ASAP1: variants seen among roughly 807,000 people sequenced by gnomAD.
ASAP1 encodes arf-GAP with SH3 domain, ANK repeat and PH domain-containing protein 1.
Under a neutral mutation model 145.2 loss-of-function variants are expected in ASAP1, and 43 were observed. The observed-to-expected ratio is 0.30, with a 90% CI of 0.23 to 0.38. ASAP1 has a LOEUF of 0.38. Among genes scored for constraint, ASAP1 ranks in the 10% least tolerant of loss-of-function variants. ASAP1 has a pLI of 1.00. For missense variants in ASAP1, 1,018 were observed against 1,355.3 expected, an observed-to-expected ratio of 0.75 and a Z score of 3.91; for synonymous variants, 546 against 515.5, an observed-to-expected ratio of 1.06 and a Z score of -0.80.
chr8:130,180,692 G>A, intron 8 of ASAP1, 59 bp downstream of exon 8: 2 of 1,561,920 alleles, frequency 1.3e-6, no homozygotes, highest in Admixed American at 3.9e-5. Context: ...CTGCTGACTA[G>A]CAGGAAAAGA....
chr8:130,053,771 A>G lies in ASAP1; in HGVS notation c.*960T>C, dbSNP rs1220160465. 1 of 152,250 alleles carries G rather than the reference A, an allele frequency of 6.6e-6. No individual in the cohort carries two copies. The highest frequency in any genetic ancestry group is 1.5e-5 in the Non-Finnish European group (1 of 68,036). 9.4% of individuals were successfully genotyped at this position (152,250 alleles called of 1,614,324 possible). On this transcript the variant is annotated 3_prime_UTR_variant, in exon 30 of 30. Coordinates refer to ENST00000518721, the MANE Select transcript of ASAP1 (RefSeq NM_018482.4). ...CTGAGAGATGTGCATTCATAACACAATATGTCAATCCATACTCTTGAGAAA... is the reference window on the plus strand; with the variant it reads ...CTGAGAGATGTGCATTCATAACACAGTATGTCAATCCATACTCTTGAGAAA...
At chr8:130,282,273 CTACT>C (rs1821299977) in intron 3 of ASAP1, among the ~76,000 whole-genome samples, 1 of 152,064 alleles carries the variant, frequency 6.6e-6, no homozygotes, top group South Asian at 2.1e-4. Context: ...CACTATTTCC[CTACT>C]TATTTTGCCA....
chr8:130,056,423 G>A (rs1212894702), intron 29 of ASAP1, among the ~76,000 whole-genome samples: 8 of 152,164 alleles, frequency 5.3e-5, no homozygotes, highest in African/African-American at 1.9e-4. Context: ...CTTGCTTGTG[G>A]GGGCTCCCTG....
intron 1 of ASAP1, among the ~76,000 whole-genome samples, chr8:130,416,839 T>C (rs1829496047): frequency 6.6e-6 from 1 of 152,214 alleles, no homozygotes; most frequent in Admixed American, 6.5e-5. Context: ...GGAAAGAGCA[T>C]CAGACTTCCC....
chr8:130,421,356 A>C (rs961719532), intron 1 of ASAP1, among the ~76,000 whole-genome samples: 3 of 152,322 alleles, frequency 2.0e-5, no homozygotes, highest in Admixed American at 1.3e-4. Flanking sequence ...TCAGAGGACA[A>C]GATGTTGAGC....
intron 13 of ASAP1, among the ~76,000 whole-genome samples, chr8:130,147,754 GATCAGCCC>G: frequency 6.6e-6 from 1 of 152,288 alleles, no homozygotes; most frequent in Admixed American, 6.5e-5. Flanking sequence ...TGTTCAAAAT[GATCAGCCC>G]ATCAAGCAGG....
At position 130,091,960 on chromosome 8, in the gene ASAP1, T is replaced by TAGG; in HGVS notation, c.2572+10_2572+12dup. 1 of 1,525,204 alleles carries TAGG rather than the reference T, an allele frequency of 6.6e-7. No individual in the cohort carries two copies. Among genetic ancestry groups the TAGG allele is most frequent in the Non-Finnish European group, 8.7e-7 (1 of 1,143,614 alleles). The allele number at this position is 1,525,204 out of a possible 1,614,324, so 94.5% of individuals were successfully genotyped here. On this transcript the variant is annotated intron_variant, in intron 25 of 29. Coordinates refer to ENST00000518721, the MANE Select transcript of ASAP1 (RefSeq NM_018482.4). The stretch of plus-strand genomic sequence containing the variant: ...GCCCCAGCAGCTTTGGCCCTGACTT[T>TAGG]AGGATAACTTACCCCAAGGAACTGC...
intron 16 of ASAP1, 114 bp downstream of exon 16, chr8:130,127,813 T>G: frequency 8.8e-7 from 1 of 1,138,130 alleles, no homozygotes. Flanking sequence ...GTGTTTTGTG[T>G]GTGTATGTGA....
At chr8:130,294,737 C>T (rs1348801673) in intron 3 of ASAP1, among the ~76,000 whole-genome samples, 2 of 152,176 alleles carry the variant, frequency 1.3e-5, no homozygotes, top group African/African-American at 4.8e-5. Flanking sequence ...ATTATTTTAA[C>T]TCCAGTAAAG....
intron 7 of ASAP1, among the ~76,000 whole-genome samples, chr8:130,183,808 C>A (rs540533923): frequency 6.6e-6 from 1 of 151,924 alleles, no homozygotes; most frequent in South Asian, 2.1e-4. Flanking sequence ...TAATGGGCCA[C>A]CAAAATATGG....
intron 5 of ASAP1, among the ~76,000 whole-genome samples, chr8:130,205,156 T>C (rs566929119): frequency 1.3e-5 from 2 of 152,256 alleles, no homozygotes; most frequent in South Asian, 4.2e-4. Flanking sequence ...TTCTTCTCCC[T>C]TCTCCACTCT....
At chr8:130,265,944 T>C (rs941582098) in intron 3 of ASAP1, among the ~76,000 whole-genome samples, 1 of 152,186 alleles carries the variant, frequency 6.6e-6, no homozygotes, top group African/African-American at 2.4e-5. Context: ...CTGGATAAAG[T>C]ATGGCTAACA....
At chr8:130,236,777 A>T in intron 4 of ASAP1, 145 bp downstream of exon 4, 1 of 558,164 alleles carries the variant, frequency 1.8e-6, no homozygotes, top group African/African-American at 1.9e-5. Flanking sequence ...AGTCGAGATA[A>T]GAGAAAAAAA....
intron 1 of ASAP1, among the ~76,000 whole-genome samples, chr8:130,428,128 C>A (rs72726220): frequency 0.051 from 7,806 of 152,166 alleles, 213 homozygotes; most frequent in Middle Eastern, 0.082. Context: ...TCCCTTTTCC[C>A]ACACAGTCAT....
At chr8:130,210,745 T>C (rs1362730078) in intron 5 of ASAP1, among the ~76,000 whole-genome samples, 2 of 152,256 alleles carry the variant, frequency 1.3e-5, no homozygotes, top group Non-Finnish European at 2.9e-5. Context: ...GCTCAATCCC[T>C]AATTGCACCA....
chr8:130,220,277 T>A (rs554260848), intron 4 of ASAP1, among the ~76,000 whole-genome samples: 2 of 152,338 alleles, frequency 1.3e-5, no homozygotes, highest in East Asian at 3.9e-4. Context: ...ACTCTAGTAT[T>A]ACTATTCCAG....
At chr8:130,166,806 C>A (rs2097680800) in intron 11 of ASAP1, among the ~76,000 whole-genome samples, 1 of 152,166 alleles carries the variant, frequency 6.6e-6, no homozygotes, top group Non-Finnish European at 1.5e-5. Flanking sequence ...CTTTCAATAT[C>A]CAAGGACCAA....
chr8:130,179,424 A>ACC, intron 8 of ASAP1, 75 bp from the exon 9 acceptor site: 1 of 861,580 alleles, frequency 1.2e-6, no homozygotes, highest in Non-Finnish European at 1.9e-6. Flanking sequence ...AGGTGGCTGA[A>ACC]CATCACCCCT....
At chr8:130,291,290 C>G (rs887009269) in intron 3 of ASAP1, among the ~76,000 whole-genome samples, 45 of 152,168 alleles carry the variant, frequency 3.0e-4, no homozygotes. Flanking sequence ...TAGACACTTG[C>G]TAAAGTATAC....
Sources: allele counts gnomAD v4.1 joint callset (sites outside exome capture counted in the v4.1 genomes callset), GRCh38; gene constraint gnomAD v4.1.1; transcripts MANE v1.5; gene names NCBI Gene and HGNC (gene_info 2026-07-23, HGNC 2026-07-21).